Variants in DUSP22 observed in about 807,000 individuals in gnomAD.
DUSP22 encodes dual specificity protein phosphatase 22.
DUSP22 carries 24 observed loss-of-function variants against 24.5 expected under a neutral mutation model. That is an observed-to-expected ratio of 0.98 (90% CI 0.71 to 1.38). The LOEUF (loss-of-function observed/expected upper bound fraction) is 1.38, where lower values mean the gene tolerates loss of function less well. Ranked by LOEUF, DUSP22 falls within the 40% of genes most tolerant of loss-of-function variation. The pLI, the probability that DUSP22 is intolerant of heterozygous loss-of-function variation, is 0.00. For synonymous variants in DUSP22, 160 were observed against 106.4 expected (o/e 1.50, Z -3.10); for missense variants, 330 against 269.2 (o/e 1.23, Z -1.58).
intron 5 of DUSP22, among the ~76,000 whole-genome samples, chr6:346,648 G>C (rs1476156631): frequency 1.3e-5 from 2 of 152,304 alleles, no homozygotes; most frequent in Non-Finnish European, 2.9e-5. Flanking sequence ...CCAAGGCTCT[G>C]TTGTCTAAGT....
intron 3 of DUSP22, among the ~76,000 whole-genome samples, chr6:319,153 T>C (rs1375682339): frequency 6.6e-6 from 1 of 152,294 alleles, no homozygotes. Flanking sequence ...AAAAAAAAAT[T>C]CTTGAATTTA....
chr6:350,618 TCATC>T lies in DUSP22; in HGVS notation c.*1673_*1676del, dbSNP rs1248572352. The T allele has an allele frequency of 1.4e-6, 2 of 1,449,324 alleles. No homozygotes were observed. Among genetic ancestry groups the T allele is most frequent in the Non-Finnish European group, 1.8e-6 (2 of 1,103,566 alleles). The allele number at this position is 1,449,324 out of a possible 1,614,324, so 89.8% of individuals were successfully genotyped here. On this transcript the variant is annotated 3_prime_UTR_variant, in exon 7 of 7. Transcript: ENST00000419235. The stretch of plus-strand genomic sequence containing the variant: ...CGGAAAGGGGAGTGTGGCTGTAGAA[TCATC>T]CATCCGTCTACAGCTAAAACAATTT...
In DUSP22 at chr6:349,849, G is replaced by A. The variant is rs150381589; in HGVS notation, c.*898G>A. 72 of 985,950 alleles carry A rather than the reference G, an allele frequency of 7.3e-5. No individual in the cohort carries two copies. The highest frequency in any genetic ancestry group is 4.2e-4 in the African/African-American group (24 of 57,394). The allele number at this position is 985,950 out of a possible 1,614,324, so 61.1% of individuals were successfully genotyped here. On this transcript the variant is annotated 3_prime_UTR_variant, in exon 7 of 7. Coordinates refer to ENST00000419235, the MANE Select transcript of DUSP22 (RefSeq NM_001286555.3). ...CACTTGAGCTCTGTGGTGGGCAGGC[G>A]CACTTTAGCCTAAGTTGGGTGCCCC... is the stretch of plus-strand genomic sequence containing the variant.
chr6:309,859 C>T (rs1425763477), intron 2 of DUSP22, among the ~76,000 whole-genome samples: 1 of 152,300 alleles, frequency 6.6e-6, no homozygotes, highest in African/African-American at 2.4e-5. Context: ...TGGTTTGGTA[C>T]CTGCTTTACA....
At chr6:346,742 C>G (rs576987951) in intron 5 of DUSP22, among the ~76,000 whole-genome samples, 1 of 152,308 alleles carries the variant, frequency 6.6e-6, no homozygotes, top group Non-Finnish European at 1.5e-5. Flanking sequence ...TGACATTCCC[C>G]GAAACAGTTC....
At chr6:331,247 ATTC>A (rs1759127098) in intron 3 of DUSP22, among the ~76,000 whole-genome samples, 1 of 152,310 alleles carries the variant, frequency 6.6e-6, no homozygotes, top group Non-Finnish European at 1.5e-5. Context: ...AAAGTGCTGA[ATTC>A]TTATTTATTT....
intron 5 of DUSP22, among the ~76,000 whole-genome samples, chr6:346,878 G>A: frequency 6.6e-6 from 1 of 152,306 alleles, no homozygotes; most frequent in South Asian, 2.1e-4. Flanking sequence ...ATCCAGAGAA[G>A]CCACCTATGA....
chr6:304,737 T>A, intron 2 of DUSP22, 76 bp downstream of exon 2: 1 of 1,589,564 alleles, frequency 6.3e-7, no homozygotes, highest in Non-Finnish European at 8.6e-7. Context: ...TTTTAAAGTG[T>A]ATAGGTCAGT....
At chr6:301,812 A>G (rs1051440183) in intron 1 of DUSP22, among the ~76,000 whole-genome samples, 3 of 152,424 alleles carry the variant, frequency 2.0e-5, no homozygotes, top group Middle Eastern at 6.8e-3. Flanking sequence ...TGCTTGAGAT[A>G]GTCCTGCAGC....
intron 4 of DUSP22, among the ~76,000 whole-genome samples, chr6:340,542 C>A (rs2127417530): frequency 6.6e-6 from 1 of 152,414 alleles, no homozygotes; most frequent in African/African-American, 2.4e-5. Context: ...TTTTTCTAAG[C>A]AAAAACATAC....
chr6:305,462 GTTCTTT>G (rs1374256492), intron 2 of DUSP22, among the ~76,000 whole-genome samples: 1 of 152,300 alleles, frequency 6.6e-6, no homozygotes, highest in Non-Finnish European at 1.5e-5. Flanking sequence ...TCAGAAGCCT[GTTCTTT>G]TTAAGTCACC....
chr6:309,558 T>G (rs1757970613), intron 2 of DUSP22, among the ~76,000 whole-genome samples: 1 of 152,422 alleles, frequency 6.6e-6, no homozygotes, highest in Middle Eastern at 3.4e-3. Context: ...ACAATGTTTC[T>G]TGACTTCTGC....
At chr6:297,525 C>T (rs1233360976) in intron 1 of DUSP22, among the ~76,000 whole-genome samples, 4 of 152,310 alleles carry the variant, frequency 2.6e-5, no homozygotes, top group Non-Finnish European at 4.4e-5. Context: ...AGGATAATTA[C>T]TTGTGAGACT....
chr6:327,496 G>C (rs576882014), intron 3 of DUSP22, among the ~76,000 whole-genome samples: 320 of 152,314 alleles, frequency 2.1e-3, no homozygotes, highest in African/African-American at 7.4e-3. Flanking sequence ...TTCTTCATTT[G>C]GAACCGTTTA....
chr6:297,624 T>C (rs55814419), intron 1 of DUSP22, among the ~76,000 whole-genome samples: 2,346 of 151,510 alleles, frequency 0.015, 1 homozygote, highest in African/African-American at 0.054. Flanking sequence ...CAACCAAAAA[T>C]GTCCCTGATG....
intron 1 of DUSP22, among the ~76,000 whole-genome samples, chr6:295,811 A>C (rs1275276097): frequency 4.6e-5 from 7 of 152,230 alleles, no homozygotes; most frequent in African/African-American, 1.2e-4. Context: ...AAAAAAAAAA[A>C]AAAAAAACCC....
At chr6:302,081 AT>A (rs1757604368) in intron 1 of DUSP22, among the ~76,000 whole-genome samples, 1 of 152,308 alleles carries the variant, frequency 6.6e-6, no homozygotes, top group African/African-American at 2.4e-5. Flanking sequence ...GGAGTGTCAG[AT>A]GGCGGAGGCA....
intron 3 of DUSP22, among the ~76,000 whole-genome samples, chr6:324,876 G>A (rs1758781597): frequency 6.6e-6 from 1 of 152,306 alleles, no homozygotes; most frequent in Admixed American, 6.5e-5. Flanking sequence ...GAGGGGCTCC[G>A]AGAGCTCACT....
chr6:296,317 T>C (rs1339088999), intron 1 of DUSP22, among the ~76,000 whole-genome samples: 6 of 152,296 alleles, frequency 3.9e-5, no homozygotes, highest in African/African-American at 1.4e-4. Context: ...CACAACTCCA[T>C]GAAGTAGATC....
Sources: gnomAD v4.1 joint callset for allele counts (sites outside exome capture counted in the v4.1 genomes callset) on GRCh38, gnomAD v4.1.1 for gene constraint, MANE v1.5 for transcripts, NCBI Gene and HGNC (gene_info 2026-07-23, HGNC 2026-07-21) for gene names.